GLI2: variants seen among roughly 807,000 people sequenced by gnomAD.
The protein encoded by GLI2 is transcription activator GLI2.
A neutral mutation model predicts 78.9 loss-of-function variants in GLI2; 22 were observed. The ratio of observed to expected loss-of-function variants is 0.28; its 90% CI spans 0.20 to 0.40. The LOEUF is 0.40. Among genes scored for constraint, GLI2 ranks in the 10% least tolerant of loss-of-function variants. The pLI is 1.00. For synonymous variants in GLI2, 974 were observed against 963.7 expected, an observed-to-expected ratio of 1.01 and a Z score of -0.20; for missense variants, 2,097 against 2,213.2, an observed-to-expected ratio of 0.95 and a Z score of 1.05.
chr2:120,808,518 A>G (rs1230136810), intron 2 of GLI2, among the ~76,000 whole-genome samples: 2 of 151,974 alleles, frequency 1.3e-5, no homozygotes, highest in Non-Finnish European at 2.9e-5. Context: ...AGGGAAGAAA[A>G]ACTTGCCAAC....
chr2:120,949,007 A>G (rs777802898), intron 3 of GLI2, among the ~76,000 whole-genome samples: 40 of 152,118 alleles, frequency 2.6e-4, no homozygotes, highest in Non-Finnish European at 2.9e-4. Flanking sequence ...CCTTCAGCCC[A>G]GGTCTGCCCC....
intron 2 of GLI2, among the ~76,000 whole-genome samples, chr2:120,909,116 G>T (rs527945023): frequency 6.6e-6 from 1 of 152,252 alleles, no homozygotes; most frequent in African/African-American, 2.4e-5. Context: ...ATAGGATTGT[G>T]GCATGATTGT....
chr2:120,859,452 C>CTTTTTTTTTTTTTT (rs57311162), intron 2 of GLI2, among the ~76,000 whole-genome samples: 1 of 125,486 alleles, frequency 8.0e-6, no homozygotes, highest in Non-Finnish European at 1.7e-5. Context: ...ATACTCCCTC[C>CTTTTTTTTTTTTTT]TTTTTTTTTT....
chr2:120,737,411 GCC>G lies in GLI2; in HGVS notation c.-31+1132_-31+1133del, dbSNP rs1192782823. ...TCGCTGAGGCTCTCGGGGACCTCGA[GCC>G]CCCCCGAGGGTGCCTCTTTCCACTA... On this transcript the variant is annotated intron_variant, in intron 1 of 13. Transcript: ENST00000361492. The surrounding 1 kb of genome is among the most constrained non-coding windows in gnomAD (Gnocchi z 4.3). Among the ~76,000 whole-genome samples the G allele has an allele frequency of 6.6e-6, 1 of 152,076 alleles. No homozygotes were observed. The highest frequency in any genetic ancestry group is 1.9e-4 in the East Asian group (1 of 5,170).
intron 2 of GLI2, among the ~76,000 whole-genome samples, chr2:120,847,822 C>G (rs1345169949): frequency 6.6e-6 from 1 of 152,122 alleles, no homozygotes; most frequent in African/African-American, 2.4e-5. Flanking sequence ...GAGGCCAAGA[C>G]CCAGCGTGGA....
intron 5 of GLI2, among the ~76,000 whole-genome samples, chr2:120,960,645 C>T (rs182540531): frequency 7.2e-5 from 11 of 152,232 alleles, no homozygotes; most frequent in Non-Finnish European, 1.2e-4. Context: ...CTCCATCAAA[C>T]CTAAAGTAAC....
intron 3 of GLI2, among the ~76,000 whole-genome samples, chr2:120,932,428 G>A (rs371892425): frequency 6.6e-6 from 1 of 152,078 alleles, no homozygotes; most frequent in African/African-American, 2.4e-5. Context: ...GTGTGTGCAG[G>A]CTCCAGAGAG....
chr2:120,904,659 C>T (rs370421958), intron 2 of GLI2, among the ~76,000 whole-genome samples: 18 of 152,296 alleles, frequency 1.2e-4, no homozygotes, highest in East Asian at 7.7e-4. Flanking sequence ...GCCCCCTGCC[C>T]GATGGAATCC....
At chr2:120,952,812 A>G (rs1302152402) in intron 4 of GLI2, among the ~76,000 whole-genome samples, 4 of 152,170 alleles carry the variant, frequency 2.6e-5, no homozygotes, top group African/African-American at 4.8e-5. Context: ...CCCTATCCAC[A>G]TCACTCCTGA....
At chr2:120,978,639 G>T in intron 10 of GLI2, 56 bp downstream of exon 10, 1 of 1,587,408 alleles carries the variant, frequency 6.3e-7, no homozygotes, top group Non-Finnish European at 8.6e-7. Flanking sequence ...TGTCAGCCAG[G>T]CCGGGGGGAT....
intron 2 of GLI2, among the ~76,000 whole-genome samples, chr2:120,898,217 A>ACAC (rs1490855387): frequency 9.6e-6 from 1 of 104,620 alleles, no homozygotes; most frequent in African/African-American, 4.5e-5. Flanking sequence ...CACACACACA[A>ACAC]AATGATTGTC....
In GLI2 at chr2:120,955,384, C is replaced by T. The variant is rs149502176; in HGVS notation, c.597C>T (p.Gly199=). Reference sequence around the variant, plus strand: ...GGGACCTGCTGATGCAGAGCGGGGGCGCTGCCAGCGCACCCCATCTCCACG... The same window carrying T: ...GGGACCTGCTGATGCAGAGCGGGGGTGCTGCCAGCGCACCCCATCTCCACG... The part of the protein sequence containing the change: ...PYGDLLMQSG[G]AASAPHLHDY... Residue 199 remains glycine, a synonymous_variant, in exon 5 of 14, where the codon GGC becomes GGT. Coordinates refer to ENST00000361492, the MANE Select transcript of GLI2 (RefSeq NM_001374353.1). 81 of 1,612,160 alleles carry T rather than the reference C, an allele frequency of 5.0e-5. No homozygotes were observed. In the East Asian group the frequency reaches 8.3e-4, roughly 16 times the overall value.
intron 2 of GLI2, among the ~76,000 whole-genome samples, chr2:120,823,263 T>G (rs181415352): frequency 6.6e-6 from 1 of 152,230 alleles, no homozygotes; most frequent in African/African-American, 2.4e-5. Context: ...CTGCCCCCGG[T>G]GTGATATAAT....
intron 2 of GLI2, among the ~76,000 whole-genome samples, chr2:120,919,920 C>T (rs999247529): frequency 6.6e-5 from 10 of 152,266 alleles, no homozygotes; most frequent in African/African-American, 2.4e-4. Context: ...CCACAAGCTG[C>T]ACTGAGATGT....
At chr2:120,925,108 C>A (rs1450538576) in intron 2 of GLI2, among the ~76,000 whole-genome samples, 9 of 152,196 alleles carry the variant, frequency 5.9e-5, no homozygotes, top group African/African-American at 1.4e-4. Context: ...CAGCCACATG[C>A]CCGGCTCACC....
At chr2:120,919,580 A>T (rs1331018159) in intron 2 of GLI2, among the ~76,000 whole-genome samples, 1 of 152,216 alleles carries the variant, frequency 6.6e-6, no homozygotes, top group East Asian at 1.9e-4. Flanking sequence ...CACGGGGCCC[A>T]CCCGGTGGGT....
chr2:120,927,484 C>G lies in GLI2; in HGVS notation c.254+18C>G. The G allele has an allele frequency of 6.5e-7, 1 of 1,532,140 alleles. No homozygotes were observed. The highest frequency in any genetic ancestry group is 9.0e-7 in the Non-Finnish European group (1 of 1,105,222). 94.9% of individuals were successfully genotyped at this position (1,532,140 alleles called of 1,614,324 possible). On this transcript the variant is annotated intron_variant, in intron 3 of 13. Transcript: ENST00000361492. ...GTGCACGGGTAAGTCCTGCCCTCTG[C>G]CTGCTGCTCCTGGCGTGCAGTCACC...
intron 2 of GLI2, among the ~76,000 whole-genome samples, chr2:120,886,202 GTGTGTGTGCGTGTA>G (rs1198334599): frequency 0.022 from 781 of 35,184 alleles, 29 homozygotes; most frequent in African/African-American, 0.2. Context: ...GTGTGTGTGT[GTGTGTGTGCGTGTA>G]TATTTTGGTT....
At chr2:120,949,647 G>A (rs1680882380) in intron 3 of GLI2, among the ~76,000 whole-genome samples, 3 of 152,228 alleles carry the variant, frequency 2.0e-5, no homozygotes, top group African/African-American at 7.2e-5. Flanking sequence ...GGAAGGCATT[G>A]GAGGCCAAGG....
Sources: gnomAD v4.1 joint callset for allele counts (sites outside exome capture counted in the v4.1 genomes callset) on GRCh38, gnomAD v4.1.1 for gene constraint, Gnocchi (gnomAD v3.1) non-coding constraint, MANE v1.5 for transcripts, NCBI Gene and HGNC (gene_info 2026-07-23, HGNC 2026-07-21) for gene names.